The following ANTXR2 variants were observed in gnomAD, a reference collection of about 807,000 sequenced individuals.
The protein encoded by ANTXR2 is ANTXR cell adhesion molecule 2, also known as anthrax toxin receptor 2.
ANTXR2 carries 44 observed loss-of-function variants against 73.7 expected under a neutral mutation model. That is an observed-to-expected ratio of 0.60 (90% CI 0.47 to 0.77). ANTXR2 has a LOEUF of 0.77. Ranked by LOEUF, ANTXR2 falls within the 30% of genes least tolerant of loss-of-function variation. The pLI is 0.00. For synonymous variants in ANTXR2, 217 were observed against 205.9 expected (o/e 1.05, Z -0.46); for missense variants, 604 against 592.5 (o/e 1.02, Z -0.20).
chr4:79,959,537 T>A (rs996432840), intron 16 of ANTXR2, among the ~76,000 whole-genome samples: 2 of 152,100 alleles, frequency 1.3e-5, no homozygotes, highest in Non-Finnish European at 1.5e-5. Context: ...TATCACAGGG[T>A]AATTATGTTA....
chr4:79,932,971 T>C (rs1728119276), intron 16 of ANTXR2, among the ~76,000 whole-genome samples: 1 of 152,142 alleles, frequency 6.6e-6, no homozygotes, highest in Non-Finnish European at 1.5e-5. Context: ...ACATTTTTCT[T>C]GGAAAAAGAT....
intron 16 of ANTXR2, among the ~76,000 whole-genome samples, chr4:79,962,597 G>T (rs1378501184): frequency 6.6e-6 from 1 of 151,704 alleles, no homozygotes; most frequent in African/African-American, 2.4e-5. Context: ...GTAAACAATG[G>T]GTTTACAGTT....
chr4:79,910,532 G>GAA (rs10718867), intron 16 of ANTXR2, among the ~76,000 whole-genome samples: 7 of 137,576 alleles, frequency 5.1e-5, no homozygotes, highest in Non-Finnish European at 6.3e-5. Context: ...AGAAAAAAAA[G>GAA]AAAAAAAAAA....
rs753206187 is a variant in ANTXR2 at position 79,984,868 on chromosome 4, C to CA, written c.1042-6dup. On this transcript the variant is annotated splice_region_variant and splice_polypyrimidine_tract_variant and intron_variant, in intron 12 of 16. Coordinates refer to ENST00000403729, the MANE Select transcript of ANTXR2 (RefSeq NM_058172.6). ...TGGTGGAGGATCCTTAATAACCTGT[C>CA]AAAAAAAATCAAATATAAAAATTTC... The CA allele has an allele frequency of 2.2e-5, 35 of 1,578,974 alleles. No individual in the cohort carries two copies. Among genetic ancestry groups the CA allele is most frequent in the Admixed American group, 1.4e-4 (8 of 55,834 alleles).
chr4:79,937,329 A>T (rs779964671), intron 16 of ANTXR2, among the ~76,000 whole-genome samples: 9 of 152,190 alleles, frequency 5.9e-5, no homozygotes, highest in Non-Finnish European at 1.0e-4. Context: ...AAGAAAAAAA[A>T]TTTTTGGAAG....
chr4:80,011,700 C>T (rs1198391645), intron 11 of ANTXR2, among the ~76,000 whole-genome samples: 1 of 152,144 alleles, frequency 6.6e-6, no homozygotes, highest in Non-Finnish European at 1.5e-5. Flanking sequence ...GGACTGAATT[C>T]TGTAGTGTTC....
chr4:79,935,214 C>T (rs564926138), intron 16 of ANTXR2, among the ~76,000 whole-genome samples: 1 of 151,676 alleles, frequency 6.6e-6, no homozygotes, highest in Non-Finnish European at 1.5e-5. Context: ...TACATGTCAT[C>T]GCCCCCCAAC....
chr4:80,070,123 G>A (rs1212896329), intron 2 of ANTXR2, among the ~76,000 whole-genome samples: 1 of 152,154 alleles, frequency 6.6e-6, no homozygotes, highest in Non-Finnish European at 1.5e-5. Context: ...TCACAGAACG[G>A]TTCTTGCTTC....
intron 16 of ANTXR2, among the ~76,000 whole-genome samples, chr4:79,951,414 T>A (rs1003923430): frequency 1.3e-5 from 2 of 151,946 alleles, no homozygotes; most frequent in Admixed American, 6.6e-5. Flanking sequence ...ACCCTGTCTC[T>A]ACTAAAAATA....
At chr4:79,927,762 T>C (rs1169114326) in intron 16 of ANTXR2, among the ~76,000 whole-genome samples, 2 of 152,154 alleles carry the variant, frequency 1.3e-5, no homozygotes, top group Middle Eastern at 3.2e-3. Flanking sequence ...TGTTTACAGA[T>C]ACAAAAAAGT....
chr4:80,022,305 A>G (rs552380995), intron 10 of ANTXR2, among the ~76,000 whole-genome samples: 65 of 152,360 alleles, frequency 4.3e-4, no homozygotes, highest in Middle Eastern at 3.4e-3. Flanking sequence ...ATGTGTGTAT[A>G]GATATATGTA....
intron 16 of ANTXR2, among the ~76,000 whole-genome samples, chr4:79,916,650 T>C (rs1727366229): frequency 6.6e-6 from 1 of 152,030 alleles, no homozygotes; most frequent in South Asian, 2.1e-4. Context: ...ATGATCCAAA[T>C]GTCCACCAGG....
intron 12 of ANTXR2, among the ~76,000 whole-genome samples, chr4:80,005,420 A>G (rs901775744): frequency 3.3e-5 from 5 of 152,172 alleles, no homozygotes; most frequent in Non-Finnish European, 5.9e-5. Flanking sequence ...ATGACAGTCA[A>G]AGTCATATTG....
In ANTXR2 at chr4:79,951,355, G is replaced by A. The variant is rs374480147; in HGVS notation, c.1428+26266C>T. 2.6e-5 allele frequency among the ~76,000 whole-genome samples: 4 copies of A among 152,148 alleles called. No homozygotes were observed. In the East Asian group the frequency reaches 7.8e-4, roughly 30 times the overall value. ...AGCACTTTGGGAGGCTGAGGGAAGG[G>A]GATTACTCATGGTCAGGAGTTTGAG... is the stretch of plus-strand genomic sequence containing the variant. On this transcript the variant is annotated intron_variant, in intron 16 of 16. Transcript: ENST00000403729.
intron 3 of ANTXR2, among the ~76,000 whole-genome samples, chr4:80,067,303 G>A (rs1240262718): frequency 5.3e-5 from 8 of 152,038 alleles, no homozygotes; most frequent in Non-Finnish European, 1.5e-5. Flanking sequence ...AATCACTAAC[G>A]TGGGTTAAAG....
In ANTXR2 at chr4:80,044,418, T is replaced by C. The variant is rs558497618; in HGVS notation, c.637-8386A>G. 2.0e-5 allele frequency among the ~76,000 whole-genome samples: 3 copies of C among 151,972 alleles called. No individual in the cohort carries two copies. The South Asian group carries it at 6.2e-4, about 32-fold the overall frequency. On this transcript the variant is annotated intron_variant, in intron 7 of 16. Transcript: ENST00000403729. ...TCCTGAAAAACATACACAATGGATA[T>C]AGTTATGGCCTTTTCTTCTGGTATT...
chr4:80,033,640 T>A (rs746614086), intron 8 of ANTXR2, 70 bp from the exon 9 acceptor site: 33 of 1,182,142 alleles, frequency 2.8e-5, no homozygotes, highest in Non-Finnish European at 4.0e-5. Flanking sequence ...CAAGCTGAAA[T>A]GAAAGTATTA....
chr4:80,045,151 T>C (rs1056157330), intron 7 of ANTXR2, among the ~76,000 whole-genome samples: 4 of 151,630 alleles, frequency 2.6e-5, no homozygotes, highest in African/African-American at 4.8e-5. Flanking sequence ...AAAAACAACA[T>C]GAAGAGAAAC....
intron 16 of ANTXR2, among the ~76,000 whole-genome samples, chr4:79,945,311 C>A (rs1728476444): frequency 6.6e-6 from 1 of 152,052 alleles, no homozygotes; most frequent in South Asian, 2.1e-4. Flanking sequence ...CTGGAATAAT[C>A]TTATCCTTTA....
Sources: gnomAD v4.1 joint callset for allele counts (sites outside exome capture counted in the v4.1 genomes callset) on GRCh38, gnomAD v4.1.1 for gene constraint, MANE v1.5 for transcripts, NCBI Gene and HGNC (gene_info 2026-07-23, HGNC 2026-07-21) for gene names.